Variants in AP3D1 observed in about 807,000 individuals in gnomAD.
AP3D1 encodes the protein AP-3 complex subunit delta-1.
Under a neutral mutation model 147.6 loss-of-function variants are expected in AP3D1, and 51 were observed. That is an observed-to-expected ratio of 0.35 (90% CI 0.28 to 0.44). The LOEUF (loss-of-function observed/expected upper bound fraction) is 0.44, where lower values mean the gene tolerates loss of function less well. Ranked by LOEUF, AP3D1 falls within the 20% of genes least tolerant of loss-of-function variation. AP3D1 has a pLI of 1.00. For synonymous variants in AP3D1, 760 were observed against 663.0 expected (o/e 1.15, Z -2.25); for missense variants, 1,421 against 1,624.2 (o/e 0.87, Z 2.15).
chr19:2,141,139 A>T (rs1035584693), intron 1 of AP3D1, among the ~76,000 whole-genome samples: 1 of 152,152 alleles, frequency 6.6e-6, no homozygotes, highest in Non-Finnish European at 1.5e-5. Flanking sequence ...CATAGATGTA[A>T]ATTAGCTGAA....
rs962732966 is a variant in AP3D1 at position 2,116,285 on chromosome 19, G to A, written c.2002-7C>T. On this transcript the variant is annotated splice_region_variant and splice_polypyrimidine_tract_variant and intron_variant, in intron 17 of 31. Transcript: ENST00000643116. ...GCTTCCGGGCCTCTCGGCGCTGTGG[G>A]ACACAGCTTGGCATGAGCCCGAGAG... is the stretch of plus-strand genomic sequence containing the variant. 6.2e-7 allele frequency: 1 copy of A among 1,613,610 alleles called. No individual in the cohort carries two copies. The highest frequency in any genetic ancestry group is 1.3e-5 in the African/African-American group (1 of 75,046).
intron 9 of AP3D1, 81 bp from the exon 10 acceptor site, chr19:2,123,960 A>ACC: frequency 3.4e-6 from 5 of 1,460,718 alleles, no homozygotes; most frequent in Non-Finnish European, 4.7e-6. Flanking sequence ...GGGCACCAGC[A>ACC]CCCCCTCGCC....
chr19:2,131,877 C>T (rs567229684), intron 5 of AP3D1, among the ~76,000 whole-genome samples: 9 of 152,060 alleles, frequency 5.9e-5, no homozygotes, highest in South Asian at 4.1e-4. Flanking sequence ...TAGACACCTC[C>T]GGGCGGACAG....
intron 1 of AP3D1, among the ~76,000 whole-genome samples, chr19:2,159,841 T>C (rs2019681581): frequency 6.6e-6 from 1 of 151,136 alleles, no homozygotes. Flanking sequence ...GCTGGGACTA[T>C]GAGTAGCTGG....
rs143530937 is a variant in AP3D1, at chr19:2,136,882, G to A, written c.354+129C>T. On this transcript the variant is annotated intron_variant, in intron 4 of 31. Transcript: ENST00000643116. ...GTCTGCTGGGAGGACTGTGGCTCCG[G>A]AAGCCCCGCTCGCACTCAAGGGGGC... 1.9e-5 allele frequency: 16 copies of A among 837,768 alleles called. No homozygotes were observed. The East Asian group carries it at 3.0e-4, about 16-fold the overall frequency. 51.9% of individuals were successfully genotyped at this position (837,768 alleles called of 1,614,324 possible).
chr19:2,118,900 C>A, intron 14 of AP3D1, 68 bp from the exon 15 acceptor site: 1 of 1,443,494 alleles, frequency 6.9e-7, no homozygotes, highest in South Asian at 1.3e-5. Context: ...CAGGTGAGGA[C>A]CTAGGAGGCC....
In AP3D1 at chr19:2,109,938, G is replaced by C. The variant is rs773829362; in HGVS notation, c.3285C>G (p.His1095Gln). 4.3e-6 allele frequency: 7 copies of C among 1,613,734 alleles called. No homozygotes were observed. The South Asian group carries it at 5.5e-5, about 13-fold the overall frequency. ...FIAKNDEGAT[H>Q]EKLDFRLHFS... ...AGTGCAGCCTGAAGTCCAGCTTCTC[G>C]TGGGTCGCACCCTCGTCATTCTGCG... Residue 1095 changes from histidine (H) to glutamine (Q), a missense_variant, in exon 29 of 32, where the codon CAC (histidine) becomes CAG (glutamine). Coordinates refer to ENST00000643116, the MANE Select transcript of AP3D1 (RefSeq NM_001261826.3).
chr19:2,163,214 C>T (rs575473184), intron 1 of AP3D1, among the ~76,000 whole-genome samples: 1 of 152,134 alleles, frequency 6.6e-6, no homozygotes, highest in Non-Finnish European at 1.5e-5. Context: ...GCTGGGATTA[C>T]AGGCGCCCGC....
intron 31 of AP3D1, among the ~76,000 whole-genome samples, chr19:2,104,856 T>C (rs1055655422): frequency 9.9e-5 from 15 of 151,832 alleles, no homozygotes; most frequent in African/African-American, 3.6e-4. Context: ...TTTAATTTTT[T>C]GTAGACCTGG....
intron 1 of AP3D1, among the ~76,000 whole-genome samples, chr19:2,141,582 C>T (rs2019221542): frequency 6.6e-6 from 1 of 151,732 alleles, no homozygotes; most frequent in Non-Finnish European, 1.5e-5. Flanking sequence ...GCTACGATTA[C>T]AGGTACACAC....
At chr19:2,162,477 A>G (rs2019728297) in intron 1 of AP3D1, among the ~76,000 whole-genome samples, 1 of 151,368 alleles carries the variant, frequency 6.6e-6, no homozygotes, top group African/African-American at 2.4e-5. Flanking sequence ...CCTGGCCAAC[A>G]TGGCGGAAAT....
intron 28 of AP3D1, 31 bp from the exon 29 acceptor site, chr19:2,109,989 A>G (rs77265501): frequency 1.2e-6 from 2 of 1,610,128 alleles, no homozygotes; most frequent in African/African-American, 2.7e-5. Context: ...TGCAGTTGAG[A>G]GGGGAGTCGG....
intron 1 of AP3D1, among the ~76,000 whole-genome samples, chr19:2,142,660 G>A (rs542602828): frequency 6.6e-6 from 1 of 152,316 alleles, no homozygotes; most frequent in East Asian, 1.9e-4. Flanking sequence ...GGGCCGCTGA[G>A]CCGCATGCAG....
rs538130153 is a variant in AP3D1, at chr19:2,115,133, T to C, written c.2349+86A>G. 3 of 1,389,322 alleles carry C rather than the reference T, an allele frequency of 2.2e-6. No individual in the cohort carries two copies. The South Asian group carries it at 3.9e-5, about 18-fold the overall frequency. 86.1% of individuals were successfully genotyped at this position (1,389,322 alleles called of 1,614,324 possible). On this transcript the variant is annotated intron_variant, in intron 20 of 31. Transcript: ENST00000643116. ...TCATCCCAGCCACCAACGAAGACCA[T>C]GGGGAGAGGCCACTGTGCATGGCCC...
In AP3D1 at chr19:2,163,398, G is replaced by A. The variant is rs929599673; in HGVS notation, c.-103+958C>T. On this transcript the variant is annotated intron_variant, in intron 1 of 14. Coordinates refer to the AP3D1 transcript ENST00000643010. ...CGTGAGAGGGGGTTTCTCCATGTTG[G>A]TCAGGCTGGTCTCGAACTCCTGACC... 2.0e-5 allele frequency among the ~76,000 whole-genome samples: 3 copies of A among 151,896 alleles called. No individual in the cohort carries two copies. In the South Asian group the frequency reaches 6.2e-4, roughly 32 times the overall value.
intron 31 of AP3D1, among the ~76,000 whole-genome samples, chr19:2,105,916 GA>G (rs2018098954): frequency 6.6e-6 from 1 of 151,950 alleles, no homozygotes; most frequent in South Asian, 2.1e-4. Flanking sequence ...TGAAACCCTG[GA>G]AACCCCGTCT....
rs549398154 is a variant in AP3D1 at position 2,112,766 on chromosome 19, T to C, written c.2787+94A>G. On this transcript the variant is annotated intron_variant, in intron 24 of 31. Coordinates refer to ENST00000643116, the MANE Select transcript of AP3D1 (RefSeq NM_001261826.3). ...CACAAATGCGAGAGCAGGGCTGCCC[T>C]GGGACCTGGGTGGCGGAAGCTGTGT... is the stretch of plus-strand genomic sequence containing the variant. The C allele has an allele frequency of 1.1e-5, 11 of 965,214 alleles. No homozygotes were observed. The East Asian group carries it at 2.6e-4, about 23-fold the overall frequency. 59.8% of individuals were successfully genotyped at this position (965,214 alleles called of 1,614,324 possible). A position where few individuals can be genotyped will look rare whatever the true frequency, so the allele number is the denominator to read the frequency against.
intron 1 of AP3D1, among the ~76,000 whole-genome samples, chr19:2,157,412 A>G (rs1163113527): frequency 2.2e-5 from 3 of 138,470 alleles, no homozygotes; most frequent in African/African-American, 8.5e-5. Context: ...ACTGCACTCC[A>G]GCCTGGGCGA....
At chr19:2,118,578 CAA>C in intron 15 of AP3D1, 21 bp downstream of exon 15, 1 of 1,595,870 alleles carries the variant, frequency 6.3e-7, no homozygotes, top group East Asian at 2.2e-5. Context: ...AGGCTCGGCC[CAA>C]CACGGAGTGT....
Sources: gnomAD v4.1 joint callset for allele counts (sites outside exome capture counted in the v4.1 genomes callset) on GRCh38, gnomAD v4.1.1 for gene constraint, MANE v1.5 for transcripts, NCBI Gene and HGNC (gene_info 2026-07-23, HGNC 2026-07-21) for gene names.